GPC3: variants seen among roughly 807,000 people sequenced by gnomAD.
The protein encoded by GPC3 is glypican-3.
Under a neutral mutation model 34.4 loss-of-function variants are expected in GPC3, and 3 were observed. The observed-to-expected ratio is 0.09, with a 90% confidence interval of 0.04 to 0.23. The LOEUF (loss-of-function observed/expected upper bound fraction) is 0.23. GPC3 is among the 10% of genes least tolerant of loss of function. The probability of loss-of-function intolerance (pLI) is 1.00; values close to 1 mark genes in which losing one functional copy is unlikely to be tolerated. For missense variants in GPC3, 351 were observed against 445.6 expected (o/e 0.79, Z 1.91); for synonymous variants, 177 against 174.0 (o/e 1.02, Z -0.13).
intron 2 of GPC3, among the ~76,000 whole-genome samples, chrX:133,806,848 CCG>C: frequency 9.1e-6 from 1 of 110,101 alleles, no homozygotes; most frequent in Non-Finnish European, 1.9e-5. Context: ...CGGGGTTTCA[CCG>C]CGTTAGCCAG....
intron 6 of GPC3, among the ~76,000 whole-genome samples, chrX:133,600,626 G>A (rs1289240886): frequency 2.7e-5 from 3 of 111,395 alleles, no homozygotes; most frequent in African/African-American, 6.5e-5. Context: ...TTGTTAATGC[G>A]AAAATCTTAA....
chrX:133,681,604 G>A (rs937871591), intron 5 of GPC3, among the ~76,000 whole-genome samples: 6 of 112,117 alleles, frequency 5.4e-5, no homozygotes, highest in African/African-American at 1.9e-4. Flanking sequence ...GCCATTTCCT[G>A]TGGCCTGTGG....
At chrX:133,549,633 C>T (rs745411919) in intron 7 of GPC3, among the ~76,000 whole-genome samples, 2 of 99,924 alleles carry the variant, frequency 2.0e-5, no homozygotes, top group East Asian at 6.7e-4. Context: ...CTCCCTCCCT[C>T]CCCCCTCTTT....
At chrX:133,591,387 G>C (rs2069846140) in intron 7 of GPC3, among the ~76,000 whole-genome samples, 1 of 111,471 alleles carries the variant, frequency 9.0e-6, no homozygotes, top group African/African-American at 3.3e-5. Flanking sequence ...ATTCCAAATA[G>C]CTATTATGCC....
intron 2 of GPC3, among the ~76,000 whole-genome samples, chrX:133,900,463 A>G (rs914944512): frequency 8.9e-6 from 1 of 111,866 alleles, no homozygotes; most frequent in African/African-American, 3.2e-5. Flanking sequence ...CAGACTGAAT[A>G]GCTATGGTCC....
chrX:133,839,149 A>C (rs1225212908), intron 2 of GPC3, among the ~76,000 whole-genome samples: 1 of 111,677 alleles, frequency 9.0e-6, no homozygotes, highest in Non-Finnish European at 1.9e-5. Context: ...AACACCATCT[A>C]CTTTTCCTTT....
chrX:133,656,594 T>A (rs1251176248), intron 6 of GPC3, among the ~76,000 whole-genome samples: 3 of 112,611 alleles, frequency 2.7e-5, no homozygotes, highest in African/African-American at 6.4e-5. Flanking sequence ...GGCAGAATTA[T>A]CATTCATATG....
intron 2 of GPC3, among the ~76,000 whole-genome samples, chrX:133,913,820 GCT>G (rs2076211597): frequency 9.1e-6 from 1 of 110,379 alleles, no homozygotes; most frequent in Non-Finnish European, 1.9e-5. Context: ...TGGAGAGCCT[GCT>G]CTCTTTGGTG....
chrX:133,758,616 A>G (rs7888783), intron 2 of GPC3, among the ~76,000 whole-genome samples: 5,317 of 110,722 alleles, frequency 0.048, 343 homozygotes, highest in African/African-American at 0.17. Context: ...CCTAGGTGAT[A>G]GGTTGCTAAG....
chrX:133,571,351 G>A (rs2069628353), intron 7 of GPC3, among the ~76,000 whole-genome samples: 1 of 111,368 alleles, frequency 9.0e-6, no homozygotes, highest in African/African-American at 3.3e-5. Context: ...TTTTTTTGGG[G>A]TGTCCTGATA....
At chrX:133,774,683 C>T (rs1022626061) in intron 2 of GPC3, among the ~76,000 whole-genome samples, 2 of 111,581 alleles carry the variant, frequency 1.8e-5, no homozygotes, top group Admixed American at 1.9e-4. Flanking sequence ...TCCTTTTATT[C>T]TCACAATGGC....
At chrX:133,877,963 GT>G (rs753431636) in intron 2 of GPC3, among the ~76,000 whole-genome samples, 5 of 109,074 alleles carry the variant, frequency 4.6e-5, no homozygotes, top group East Asian at 2.9e-4. Flanking sequence ...TGACTTTTAT[GT>G]TTTTTTTTAA....
At chrX:133,943,152 A>G (rs1428737564) in intron 2 of GPC3, among the ~76,000 whole-genome samples, 1 of 112,076 alleles carries the variant, frequency 8.9e-6, no homozygotes, top group Non-Finnish European at 1.9e-5. Context: ...TTAAGCACCT[A>G]TTCTATACCA....
intron 7 of GPC3, among the ~76,000 whole-genome samples, chrX:133,578,869 T>C (rs186456471): frequency 9.1e-6 from 1 of 110,206 alleles, no homozygotes; most frequent in East Asian, 2.9e-4. Flanking sequence ...TATGAATGTC[T>C]GCTATGGAGA....
chrX:133,917,152 T>C (rs895631867), intron 2 of GPC3, among the ~76,000 whole-genome samples: 1 of 111,946 alleles, frequency 8.9e-6, no homozygotes, highest in Non-Finnish European at 1.9e-5. Context: ...TTCTAATACC[T>C]TTCTCAGCAA....
At chrX:133,640,609 G>A (rs1240136763) in intron 6 of GPC3, among the ~76,000 whole-genome samples, 1 of 112,199 alleles carries the variant, frequency 8.9e-6, no homozygotes, top group Admixed American at 9.5e-5. Flanking sequence ...AGAAAAAACT[G>A]TTTAACATTT....
intron 2 of GPC3, among the ~76,000 whole-genome samples, chrX:133,781,939 G>T (rs1252372707): frequency 9.0e-6 from 1 of 111,688 alleles, no homozygotes; most frequent in East Asian, 2.8e-4. Flanking sequence ...GGTTCCTGGG[G>T]CTTTAATCTT....
intron 7 of GPC3, among the ~76,000 whole-genome samples, chrX:133,571,127 T>A (rs997786415): frequency 1.2e-4 from 14 of 112,103 alleles, no homozygotes; most frequent in Non-Finnish European, 2.1e-4. Flanking sequence ...TTATTTGTAT[T>A]ACCTTATAAA....
chrX:133,920,093 A>C (rs2076241667), intron 2 of GPC3, among the ~76,000 whole-genome samples: 1 of 109,123 alleles, frequency 9.2e-6, no homozygotes, highest in Non-Finnish European at 1.9e-5. Context: ...TGAGCTCAGG[A>C]GATCGAGGCT....
Sources: allele counts gnomAD v4.1 joint callset (sites outside exome capture counted in the v4.1 genomes callset), GRCh38; gene constraint gnomAD v4.1.1; transcripts MANE v1.5; gene names NCBI Gene and HGNC (gene_info 2026-07-23, HGNC 2026-07-21).